The following GABRB1 variants were observed in gnomAD, a reference collection of about 807,000 sequenced individuals.
GABRB1 encodes the protein gamma-aminobutyric acid type A receptor subunit beta1, also known as gamma-aminobutyric acid receptor subunit beta-1.
A neutral mutation model predicts 51.6 loss-of-function variants in GABRB1; 17 were observed. The observed-to-expected ratio is 0.33, with a 90% CI of 0.23 to 0.49. The LOEUF is 0.49. Among genes scored for constraint, GABRB1 ranks in the 20% least tolerant of loss-of-function variants. GABRB1 has a pLI of 0.99. For synonymous variants in GABRB1, 247 were observed against 218.9 expected (o/e 1.13, Z -1.14); for missense variants, 410 against 600.6 (o/e 0.68, Z 3.32).
intron 3 of GABRB1, among the ~76,000 whole-genome samples, chr4:47,154,948 A>G (rs1179480441): frequency 6.6e-6 from 1 of 151,994 alleles, no homozygotes; most frequent in East Asian, 1.9e-4. Flanking sequence ...GTATCTTTGC[A>G]CTTGGTCCCA....
intron 1 of GABRB1, among the ~76,000 whole-genome samples, chr4:47,024,511 GT>G (rs1173328453): frequency 6.6e-5 from 10 of 151,904 alleles, no homozygotes; most frequent in Non-Finnish European, 1.5e-5. Flanking sequence ...GAAAATATTT[GT>G]TGTTTAAAAT....
At chr4:47,292,019 CA>C (rs1560317130) in intron 4 of GABRB1, among the ~76,000 whole-genome samples, 1 of 152,056 alleles carries the variant, frequency 6.6e-6, no homozygotes, top group African/African-American at 2.4e-5. Context: ...TGGGAGAGGC[CA>C]GGGGTGGAAT....
chr4:47,351,851 A>C (rs976219722), intron 5 of GABRB1, among the ~76,000 whole-genome samples: 1 of 151,936 alleles, frequency 6.6e-6, no homozygotes, highest in African/African-American at 2.4e-5. Flanking sequence ...GCTATTGTGA[A>C]TAGTGCCGCA....
chr4:47,186,389 T>C (rs1006855997), intron 4 of GABRB1, among the ~76,000 whole-genome samples: 1 of 151,840 alleles, frequency 6.6e-6, no homozygotes, highest in South Asian at 2.1e-4. Flanking sequence ...TTGTAATTTT[T>C]AGTTTGGCTA....
chr4:47,253,887 A>T lies in GABRB1; in HGVS notation c.462-66240A>T, dbSNP rs574822027. 2.1e-3 allele frequency among the ~76,000 whole-genome samples: 317 copies of T among 152,220 alleles called. 1 individual carries two copies. The highest frequency in any genetic ancestry group is 3.8e-3 in the Non-Finnish European group (256 of 68,026). ...TTGCTTTAGTAAAATAGTTAATGGA[A>T]TGGTAATTGTATACTTTATTGAATG... On this transcript the variant is annotated intron_variant, in intron 4 of 8. Transcript: ENST00000295454.
At chr4:47,152,940 A>T (rs1717526172) in intron 3 of GABRB1, among the ~76,000 whole-genome samples, 1 of 151,990 alleles carries the variant, frequency 6.6e-6, no homozygotes, top group South Asian at 2.1e-4. Context: ...TATTAAACTG[A>T]TATCCTCCTA....
chr4:47,218,443 C>T (rs1720640198), intron 4 of GABRB1, among the ~76,000 whole-genome samples: 1 of 151,836 alleles, frequency 6.6e-6, no homozygotes, highest in Non-Finnish European at 1.5e-5. Flanking sequence ...CACTAACTTA[C>T]ATTTTCACCT....
chr4:47,077,887 T>C (rs966056490), intron 3 of GABRB1, among the ~76,000 whole-genome samples: 3 of 140,534 alleles, frequency 2.1e-5, no homozygotes, highest in Non-Finnish European at 4.6e-5. Flanking sequence ...TGTATTTTTA[T>C]ATATATTATA....
chr4:47,084,984 A>C (rs949242405), intron 3 of GABRB1, among the ~76,000 whole-genome samples: 3 of 152,216 alleles, frequency 2.0e-5, no homozygotes, highest in African/African-American at 7.2e-5. Flanking sequence ...AAGCCAAAAA[A>C]GGTGCAGCTG....
chr4:47,150,886 C>A (rs1052605987), intron 3 of GABRB1, among the ~76,000 whole-genome samples: 1 of 151,742 alleles, frequency 6.6e-6, no homozygotes, highest in Non-Finnish European at 1.5e-5. Context: ...AGAGAGAAAA[C>A]CACCAGAATG....
chr4:47,271,430 C>A (rs1722868604), intron 4 of GABRB1, among the ~76,000 whole-genome samples: 2 of 152,112 alleles, frequency 1.3e-5, no homozygotes. Flanking sequence ...TGTAATTAAC[C>A]TACCTCATCT....
intron 5 of GABRB1, among the ~76,000 whole-genome samples, chr4:47,343,460 C>T (rs1338985575): frequency 2.0e-5 from 3 of 152,130 alleles, no homozygotes; most frequent in Non-Finnish European, 2.9e-5. Context: ...TATGACTGCA[C>T]TGGTTTGATA....
intron 3 of GABRB1, among the ~76,000 whole-genome samples, chr4:47,076,330 T>A (rs1238842531): frequency 6.6e-6 from 1 of 152,216 alleles, no homozygotes; most frequent in East Asian, 1.9e-4. Context: ...GTCTCATAAC[T>A]AGACCAGCCA....
intron 3 of GABRB1, among the ~76,000 whole-genome samples, chr4:47,104,173 T>C (rs1714847313): frequency 6.6e-6 from 1 of 151,754 alleles, no homozygotes; most frequent in Admixed American, 6.6e-5. Flanking sequence ...AATATAGAAG[T>C]ATAGGATGAC....
chr4:47,393,331 G>T (rs561203849), intron 5 of GABRB1, among the ~76,000 whole-genome samples: 25 of 152,332 alleles, frequency 1.6e-4, no homozygotes, highest in African/African-American at 5.5e-4. Flanking sequence ...TCAGAGCCTA[G>T]TGGGGGAAAG....
In GABRB1 at chr4:47,253,533, T is replaced by C. The variant is rs139893886; in HGVS notation, c.462-66594T>C. Among the ~76,000 whole-genome samples the C allele has an allele frequency of 1.5e-3, 225 of 152,300 alleles. 1 individual carries two copies. Among genetic ancestry groups the C allele is most frequent in the African/African-American group, 5.2e-3 (215 of 41,572 alleles). On this transcript the variant is annotated intron_variant, in intron 4 of 8. Transcript: ENST00000295454. ...CAATTTCTCTCTTCCTCTGATTCCA[T>C]CTCCTTAGTTTTATTTACAAATTGT...
intron 3 of GABRB1, among the ~76,000 whole-genome samples, chr4:47,132,037 A>G (rs1019459134): frequency 1.3e-5 from 2 of 152,166 alleles, no homozygotes; most frequent in Non-Finnish European, 2.9e-5. Context: ...TTTTTTAAAC[A>G]GTTTTATTTG....
At chr4:47,357,533 G>A (rs143871062) in intron 5 of GABRB1, among the ~76,000 whole-genome samples, 79 of 152,272 alleles carry the variant, frequency 5.2e-4, no homozygotes, top group African/African-American at 1.3e-3. Flanking sequence ...ATGAAGCCAG[G>A]TTCCACGAAT....
intron 4 of GABRB1, among the ~76,000 whole-genome samples, chr4:47,261,645 C>T (rs1195099966): frequency 8.6e-5 from 13 of 151,886 alleles, no homozygotes; most frequent in South Asian, 2.1e-4. Flanking sequence ...TCAATGCCAT[C>T]CCCATCAAGC....
Sources: gnomAD v4.1 joint callset for allele counts (sites outside exome capture counted in the v4.1 genomes callset) on GRCh38, gnomAD v4.1.1 for gene constraint, MANE v1.5 for transcripts, NCBI Gene and HGNC (gene_info 2026-07-23, HGNC 2026-07-21) for gene names.